The following RARA variants were observed in gnomAD, a reference collection of about 807,000 sequenced individuals.
RARA encodes retinoic acid receptor alpha.
In RARA, 5 loss-of-function variants were observed where a neutral mutation model predicts 42.8. The observed-to-expected ratio is 0.12, with a 90% CI of 0.06 to 0.25. The LOEUF (loss-of-function observed/expected upper bound fraction) is 0.25. Among genes scored for constraint, RARA ranks in the 10% least tolerant of loss-of-function variants. The probability of loss-of-function intolerance (pLI) is 1.00; values close to 1 mark genes in which losing one functional copy is unlikely to be tolerated. For synonymous variants in RARA, 256 were observed against 259.5 expected, an observed-to-expected ratio of 0.99 and a Z score of 0.13; for missense variants, 402 against 628.7, an observed-to-expected ratio of 0.64 and a Z score of 3.86.
intron 2 of RARA, among the ~76,000 whole-genome samples, chr17:40,335,299 G>C (rs753082204): frequency 6.6e-6 from 1 of 152,098 alleles, no homozygotes; most frequent in Non-Finnish European, 1.5e-5. Flanking sequence ...GGCTGGAGGG[G>C]AGAACTGATC....
chr17:40,323,806 G>T (rs1469341881), intron 1 of RARA, among the ~76,000 whole-genome samples: 1 of 126,682 alleles, frequency 7.9e-6, no homozygotes, highest in African/African-American at 2.9e-5. Context: ...TGGGGTCAGA[G>T]CCAAAAGGAT....
rs1470564977 is a variant in RARA at position 40,320,879 on chromosome 17, T to C, written c.-362-9978T>C. Among the ~76,000 whole-genome samples, 1 of 152,170 alleles carries C rather than the reference T, an allele frequency of 6.6e-6. No individual in the cohort carries two copies. Among genetic ancestry groups the C allele is most frequent in the Non-Finnish European group, 1.5e-5 (1 of 68,020 alleles). On this transcript the variant is annotated intron_variant, in intron 1 of 8. Transcript: ENST00000254066. This position sits in a 1 kb window ranked among gnomAD's most constrained non-coding sequence, Gnocchi z 4.1. ...CGCTTGCTCAGTACCCACACCCATC[T>C]TGTGTCGGTAGTTTTGGGAGTGTGG...
chr17:40,315,972 A>G (rs1480478820), intron 1 of RARA, among the ~76,000 whole-genome samples: 1 of 152,156 alleles, frequency 6.6e-6, no homozygotes, highest in Non-Finnish European at 1.5e-5. Context: ...CTCCTCCTGC[A>G]TCAGAGTCCC....
chr17:40,324,350 C>G (rs957620215), intron 1 of RARA, among the ~76,000 whole-genome samples: 1 of 152,052 alleles, frequency 6.6e-6, no homozygotes, highest in African/African-American at 2.4e-5. Flanking sequence ...TGAATTACCC[C>G]CTGCCCTTTC....
intron 2 of RARA, among the ~76,000 whole-genome samples, chr17:40,336,841 G>GT (rs1299700597): frequency 4.6e-5 from 7 of 152,210 alleles, no homozygotes; most frequent in Non-Finnish European, 1.0e-4. Context: ...GACTACAGGC[G>GT]TGTGCCGCTA....
At chr17:40,332,764 C>T (rs1447414971) in intron 2 of RARA, among the ~76,000 whole-genome samples, 1 of 152,250 alleles carries the variant, frequency 6.6e-6, no homozygotes, top group Non-Finnish European at 1.5e-5. Flanking sequence ...TCTCCTGCCA[C>T]CCCTTATCAA....
At position 40,309,187 on chromosome 17, in the gene RARA, C is replaced by T. The variant is rs1443862134; in HGVS notation, c.-462C>T. 1 of 152,280 alleles carries T rather than the reference C, an allele frequency of 6.6e-6. No individual in the cohort carries two copies. The highest frequency in any genetic ancestry group is 1.5e-5 in the Non-Finnish European group (1 of 68,086). The allele number at this position is 152,280 out of a possible 1,614,324, so 9.4% of individuals were successfully genotyped here. On this transcript the variant is annotated 5_prime_UTR_variant, in exon 1 of 9. Transcript: ENST00000254066. Reference sequence around the variant, plus strand: ...CGGGAACCCGTGCCTCTTGCAGCAGCCTAACCCAGAAGCAGGGGGGAATCC... The same window carrying T: ...CGGGAACCCGTGCCTCTTGCAGCAGTCTAACCCAGAAGCAGGGGGGAATCC...
chr17:40,325,823 C>T (rs373696474), intron 1 of RARA, among the ~76,000 whole-genome samples: 24 of 152,274 alleles, frequency 1.6e-4, no homozygotes, highest in Non-Finnish European at 2.2e-4. Context: ...TCTTGGGAAC[C>T]GTTGTTTTGG....
intron 2 of RARA, chr17:40,342,058 C>T (rs1032507073): frequency 9.7e-7 from 1 of 1,036,074 alleles, no homozygotes; most frequent in South Asian, 4.6e-5. Flanking sequence ...CCGGACGCGC[C>T]GGGAATGGGT....
chr17:40,331,347 T>A lies in RARA; in HGVS notation c.129T>A (p.Thr43=). Residue 43 remains threonine, a synonymous_variant, in exon 2 of 9, where the codon ACT becomes ACA. Coordinates refer to ENST00000254066, the MANE Select transcript of RARA (RefSeq NM_000964.4). The part of the protein sequence containing the change: ...GGLSPPGALT[T]LQHQLPVSGY... ...TCTCCCCGCCAGGCGCTCTGACCAC[T>A]CTCCAGCACCAGCTTCCAGTTAGTG... The A allele has an allele frequency of 6.2e-7, 1 of 1,613,970 alleles. No individual in the cohort carries two copies. Among genetic ancestry groups the A allele is most frequent in the Admixed American group, 1.7e-5 (1 of 60,008 alleles).
intron 3 of RARA, chr17:40,349,538 T>C (rs1598580016): frequency 2.1e-6 from 1 of 476,666 alleles, no homozygotes; most frequent in Non-Finnish European, 3.8e-6. Flanking sequence ...GAGTCAGGTG[T>C]GTGCTGTGGG....
intron 2 of RARA, chr17:40,340,990 A>G: frequency 2.5e-6 from 1 of 400,354 alleles, no homozygotes. Context: ...AAATGACAAC[A>G]TATATAAAGA....
At chr17:40,332,286 G>C (rs1351214711) in intron 2 of RARA, among the ~76,000 whole-genome samples, 1 of 152,148 alleles carries the variant, frequency 6.6e-6, no homozygotes, top group African/African-American at 2.4e-5. Flanking sequence ...TGGGACGGGA[G>C]AGGGTGGAAG....
chr17:40,317,770 A>G (rs2033245583), intron 1 of RARA, among the ~76,000 whole-genome samples: 1 of 151,808 alleles, frequency 6.6e-6, no homozygotes, highest in South Asian at 2.1e-4. Flanking sequence ...GGTCAAGGTC[A>G]CACAGCTCTC....
At chr17:40,341,569 G>A in intron 2 of RARA, 1 of 1,368,840 alleles carries the variant, frequency 7.3e-7, no homozygotes, top group Non-Finnish European at 9.4e-7. Context: ...GGGCTGGCGG[G>A]CGAGCCCCGC....
chr17:40,321,996 G>T (rs2033402502), intron 1 of RARA, among the ~76,000 whole-genome samples: 1 of 152,146 alleles, frequency 6.6e-6, no homozygotes. Flanking sequence ...TCAGAGCTGT[G>T]CTGCCCTGGC....
At position 40,320,161 on chromosome 17, in the gene RARA, G is replaced by A. The variant is rs984211558; in HGVS notation, c.-362-10696G>A. Among the ~76,000 whole-genome samples the A allele has an allele frequency of 2.6e-5, 4 of 152,112 alleles. No homozygotes were observed. Among genetic ancestry groups the A allele is most frequent in the African/African-American group, 7.2e-5 (3 of 41,392 alleles). On this transcript the variant is annotated intron_variant, in intron 1 of 8. Transcript: ENST00000254066. The surrounding 1 kb of genome is among the most constrained non-coding windows in gnomAD (Gnocchi z 4.1). ...CCATCAGACTGGCGACGGTGGCACA[G>A]ATGCAGTGGCAGTTCTGAGAAGATC... is the stretch of plus-strand genomic sequence containing the variant.
At chr17:40,333,446 A>C (rs1265125848) in intron 2 of RARA, among the ~76,000 whole-genome samples, 3 of 151,360 alleles carry the variant, frequency 2.0e-5, no homozygotes, top group African/African-American at 7.3e-5. Context: ...AGCGATTCTC[A>C]TGCCTCATCC....
At chr17:40,319,007 G>A (rs936314995) in intron 1 of RARA, among the ~76,000 whole-genome samples, 2 of 152,172 alleles carry the variant, frequency 1.3e-5, no homozygotes, top group Non-Finnish European at 2.9e-5. Context: ...GTGTGTAGGG[G>A]TGTTCCTGGG....
Sources: gnomAD v4.1 joint callset for allele counts (sites outside exome capture counted in the v4.1 genomes callset) on GRCh38, gnomAD v4.1.1 for gene constraint, Gnocchi (gnomAD v3.1) non-coding constraint, MANE v1.5 for transcripts, NCBI Gene and HGNC (gene_info 2026-07-23, HGNC 2026-07-21) for gene names.